The following PPARGC1A variants were observed in gnomAD, a reference collection of about 807,000 sequenced individuals.
The protein encoded by PPARGC1A is peroxisome proliferator-activated receptor gamma coactivator 1-alpha.
A neutral mutation model predicts 88.7 loss-of-function variants in PPARGC1A; 25 were observed. The ratio of observed to expected loss-of-function variants is 0.28; its 90% CI spans 0.21 to 0.39. PPARGC1A has a LOEUF of 0.39. Ranked by LOEUF, PPARGC1A falls within the 10% of genes least tolerant of loss-of-function variation. The pLI, the probability that PPARGC1A is intolerant of heterozygous loss-of-function variation, is 1.00. For synonymous variants in PPARGC1A, 363 were observed against 355.6 expected (o/e 1.02, Z -0.24); for missense variants, 880 against 968.7 (o/e 0.91, Z 1.22).
the PPARGC1A span, among the ~76,000 whole-genome samples, chr4:24,437,606 GT>G: frequency 7.0e-6 from 1 of 142,166 alleles, no homozygotes; most frequent in South Asian, 2.1e-4. Context: ...TGTTGTTGTT[GT>G]TGTTGTTGTT....
chr4:24,033,315 G>T, the PPARGC1A span, among the ~76,000 whole-genome samples: 1 of 152,078 alleles, frequency 6.6e-6, no homozygotes, highest in Non-Finnish European at 1.5e-5. Context: ...TTTAAACATT[G>T]TCTGATGTAT....
the PPARGC1A span, among the ~76,000 whole-genome samples, chr4:23,952,758 T>C: frequency 4.3e-3 from 655 of 152,212 alleles, 6 homozygotes; most frequent in African/African-American, 0.015. Flanking sequence ...AAAACTTTAT[T>C]AGTTTCACGC....
At chr4:24,133,285 C>G in the PPARGC1A span, among the ~76,000 whole-genome samples, 6 of 152,134 alleles carry the variant, frequency 3.9e-5, no homozygotes, top group African/African-American at 1.4e-4. Context: ...CACCTGAGAG[C>G]TCAAAACCAA....
chr4:24,258,213 T>C, the PPARGC1A span: 2 of 981,320 alleles, frequency 2.0e-6, no homozygotes, highest in Non-Finnish European at 2.4e-6. Flanking sequence ...AAAGTACCCT[T>C]CATCCATGGG....
At chr4:23,796,533 G>T (rs928346277) in intron 12 of PPARGC1A, among the ~76,000 whole-genome samples, 1 of 152,264 alleles carries the variant, frequency 6.6e-6, no homozygotes, top group East Asian at 1.9e-4. Flanking sequence ...AAGAAATAAA[G>T]TGCAGGTATA....
At chr4:23,834,532 TA>T (rs1166107661) in intron 2 of PPARGC1A, among the ~76,000 whole-genome samples, 1 of 151,714 alleles carries the variant, frequency 6.6e-6, no homozygotes, top group African/African-American at 2.4e-5. Context: ...AGGCAAATCC[TA>T]ATCAGAAGGG....
At chr4:23,992,365 A>G in the PPARGC1A span, among the ~76,000 whole-genome samples, 2,506 of 151,014 alleles carry the variant, frequency 0.017, 26 homozygotes, top group Non-Finnish European at 0.025. Context: ...TACTATTATT[A>G]CTATTCTGTT....
At chr4:24,353,369 G>A in the PPARGC1A span, among the ~76,000 whole-genome samples, 3 of 142,524 alleles carry the variant, frequency 2.1e-5, no homozygotes, top group African/African-American at 5.3e-5. Context: ...TGGGTCCCCC[G>A]CCCTCCCTCT....
the PPARGC1A span, among the ~76,000 whole-genome samples, chr4:24,145,904 G>A: frequency 2.6e-5 from 4 of 152,138 alleles, no homozygotes; most frequent in Admixed American, 6.6e-5. Context: ...CCACAAGGAC[G>A]TGTGGCTTTC....
the PPARGC1A span, among the ~76,000 whole-genome samples, chr4:24,242,027 C>T: frequency 6.6e-6 from 1 of 152,164 alleles, no homozygotes; most frequent in Non-Finnish European, 1.5e-5. Flanking sequence ...CCTGCTAGAA[C>T]CCAACACTAG....
At chr4:24,098,710 T>G in the PPARGC1A span, among the ~76,000 whole-genome samples, 1 of 152,208 alleles carries the variant, frequency 6.6e-6, no homozygotes, top group Non-Finnish European at 1.5e-5. Flanking sequence ...TACTATGTCT[T>G]TCTATAACTG....
chr4:24,443,706 C>A, the PPARGC1A span, among the ~76,000 whole-genome samples: 1 of 151,272 alleles, frequency 6.6e-6, no homozygotes, highest in Non-Finnish European at 1.5e-5. Context: ...CAGGCGCCTG[C>A]CACCATGCCC....
At chr4:23,946,829 T>TAC in the PPARGC1A span, among the ~76,000 whole-genome samples, 61 of 150,242 alleles carry the variant, frequency 4.1e-4, no homozygotes, top group African/African-American at 1.2e-3. Context: ...CACACACACA[T>TAC]ACACACACAC....
chr4:24,436,691 C>T, the PPARGC1A span, among the ~76,000 whole-genome samples: 3 of 139,726 alleles, frequency 2.1e-5, no homozygotes, highest in Non-Finnish European at 3.1e-5. Context: ...CGATTGGCCA[C>T]CCCAGAGCCC....
chr4:24,154,230 T>C, the PPARGC1A span, among the ~76,000 whole-genome samples: 7 of 125,586 alleles, frequency 5.6e-5, no homozygotes, highest in Non-Finnish European at 9.1e-5. Context: ...AGCTGTGTTC[T>C]ACCACAGTGA....
At position 23,812,941 on chromosome 4, in the gene PPARGC1A, G is replaced by A. The variant is rs571304169; in HGVS notation, c.1899-74C>T. ...GCAAAATGAATAATAATATGGGGAG[G>A]GGTATAGGGTTTTGGAGAACATCTT... On this transcript the variant is annotated intron_variant, in intron 9 of 12. Transcript: ENST00000264867. 111 of 1,612,010 alleles carry A rather than the reference G, an allele frequency of 6.9e-5. No homozygotes were observed. The East Asian group carries it at 2.3e-3, about 34-fold the overall frequency.
the PPARGC1A span, among the ~76,000 whole-genome samples, chr4:24,452,275 A>ACACACACC: frequency 2.0e-5 from 3 of 150,390 alleles, no homozygotes; most frequent in African/African-American, 4.9e-5. Flanking sequence ...ACACACACAC[A>ACACACACC]CACACACGCA....
At chr4:24,378,107 T>C in the PPARGC1A span, among the ~76,000 whole-genome samples, 1 of 152,170 alleles carries the variant, frequency 6.6e-6, no homozygotes, top group South Asian at 2.1e-4. Context: ...GAGGCTGAGG[T>C]GGGTAGATCA....
the PPARGC1A span, among the ~76,000 whole-genome samples, chr4:24,237,516 T>C: frequency 6.6e-6 from 1 of 152,216 alleles, no homozygotes; most frequent in Admixed American, 6.5e-5. Context: ...ATGAGTTTCA[T>C]ATGGCCAAGT....
Sources: allele counts gnomAD v4.1 joint callset (sites outside exome capture counted in the v4.1 genomes callset), GRCh38; gene constraint gnomAD v4.1.1; transcripts MANE v1.5; gene names NCBI Gene and HGNC (gene_info 2026-07-23, HGNC 2026-07-21).